Variants in LMAN2L observed in about 807,000 individuals in gnomAD.
The protein encoded by LMAN2L is lectin, mannose binding 2 like.
Under a neutral mutation model 44.3 loss-of-function variants are expected in LMAN2L, and 30 were observed. That is an observed-to-expected ratio of 0.68 (90% CI 0.51 to 0.92). The LOEUF (loss-of-function observed/expected upper bound fraction) is 0.92, where lower values mean the gene tolerates loss of function less well. Ranked by LOEUF, LMAN2L falls within the 40% of genes least tolerant of loss-of-function variation. The pLI, the probability that LMAN2L is intolerant of heterozygous loss-of-function variation, is 0.00. For synonymous variants in LMAN2L, 183 were observed against 171.1 expected, an observed-to-expected ratio of 1.07 and a Z score of -0.54; for missense variants, 429 against 446.1, an observed-to-expected ratio of 0.96 and a Z score of 0.35.
intron 4 of LMAN2L, among the ~76,000 whole-genome samples, chr2:96,723,612 A>C (rs1287162841): frequency 6.6e-6 from 1 of 152,178 alleles, no homozygotes; most frequent in Non-Finnish European, 1.5e-5. Context: ...AGTCAAGAAG[A>C]ATCAATCCGA....
rs376416448 is a variant in LMAN2L at position 96,707,548 on chromosome 2, G to A, written c.905-150C>T. The A allele has an allele frequency of 2.2e-4, 267 of 1,221,666 alleles. 3 individuals carry two copies. In the South Asian group the frequency reaches 2.2e-3, roughly 10 times the overall value. The allele number at this position is 1,221,666 out of a possible 1,614,324, so 75.7% of individuals were successfully genotyped here. ...CCTCTTTCCAACTGAGAAACAAAGC[G>A]GCCCTCCTGCTGCTCATCTGTAACT... is the stretch of plus-strand genomic sequence containing the variant. On this transcript the variant is annotated intron_variant, in intron 7 of 7. Transcript: ENST00000264963.
intron 4 of LMAN2L, among the ~76,000 whole-genome samples, chr2:96,728,537 C>T (rs2078322006): frequency 7.0e-6 from 1 of 142,856 alleles, no homozygotes; most frequent in African/African-American, 2.6e-5. Context: ...TTGCACAGGA[C>T]AGCATATGAA....
At chr2:96,729,196 A>C (rs2078340480) in intron 4 of LMAN2L, among the ~76,000 whole-genome samples, 1 of 151,810 alleles carries the variant, frequency 6.6e-6, no homozygotes, top group African/African-American at 2.4e-5. Flanking sequence ...ATAAAATAAA[A>C]TAAAACAAAA....
At chr2:96,721,172 C>T (rs914046460) in intron 4 of LMAN2L, among the ~76,000 whole-genome samples, 1 of 152,140 alleles carries the variant, frequency 6.6e-6, no homozygotes, top group Non-Finnish European at 1.5e-5. Flanking sequence ...CACTAATCTA[C>T]TTTCTGTCTC....
intron 4 of LMAN2L, among the ~76,000 whole-genome samples, chr2:96,720,528 G>C (rs1374703464): frequency 1.3e-5 from 2 of 151,330 alleles, no homozygotes; most frequent in Non-Finnish European, 2.9e-5. Context: ...TGTTGCCTAG[G>C]CTGGTTTCAA....
At chr2:96,728,294 C>G (rs1317183650) in intron 4 of LMAN2L, among the ~76,000 whole-genome samples, 2 of 151,778 alleles carry the variant, frequency 1.3e-5, no homozygotes, top group Non-Finnish European at 2.9e-5. Context: ...GAGAGGAGAT[C>G]GAGACCATCC....
chr2:96,709,918 A>C (rs775404744), intron 6 of LMAN2L, among the ~76,000 whole-genome samples: 5 of 152,230 alleles, frequency 3.3e-5, no homozygotes, highest in Non-Finnish European at 7.3e-5. Context: ...CATTTCTGAC[A>C]GTTGGGGACT....
Position 96,737,946 on chromosome 2 carries a change from TA to T in LMAN2L, c.306+2del. 6.3e-7 allele frequency: 1 copy of T among 1,598,792 alleles called. No individual in the cohort carries two copies. Among genetic ancestry groups the T allele is most frequent in the South Asian group, 1.1e-5 (1 of 90,786 alleles). ...CCAACACAGGAGGGAGAAAGATTCT[TA>T]CCACCCGGTTCCACAAGGCACCCTG... On this transcript the variant is annotated splice_donor_variant, in intron 2 of 7. Coordinates refer to ENST00000264963, the MANE Select transcript of LMAN2L (RefSeq NM_030805.4). LOFTEE classifies it high-confidence loss of function.
intron 6 of LMAN2L, among the ~76,000 whole-genome samples, chr2:96,709,959 C>T (rs1289056646): frequency 1.3e-5 from 2 of 152,152 alleles, no homozygotes; most frequent in Non-Finnish European, 2.9e-5. Context: ...GGAGGTTAAC[C>T]CAGAAACCTG....
chr2:96,711,969 A>G lies in LMAN2L; in HGVS notation c.564T>C (p.His188=). The change falls in exon 5 of 8, where the codon CAT becomes CAC. Residue 188 remains histidine (H), a synonymous_variant. Transcript: ENST00000264963. Reference sequence around the variant, plus strand: ...GCTCTGTAGGCCGCCCATCCCGCTCATGATCATAGCTGAGGGAGCCGTTGT... The same window carrying G: ...GCTCTGTAGGCCGCCCATCCCGCTCGTGATCATAGCTGAGGGAGCCGTTGT... ...MVNNGSLSYD[H]ERDGRPTELG... 6.2e-7 allele frequency: 1 copy of G among 1,614,188 alleles called. No individual in the cohort carries two copies. Among genetic ancestry groups the G allele is most frequent in the Non-Finnish European group, 8.5e-7 (1 of 1,180,030 alleles).
chr2:96,738,189 C>T (rs2078556573), intron 1 of LMAN2L, 122 bp from the exon 2 acceptor site: 1 of 655,470 alleles, frequency 1.5e-6, no homozygotes, highest in Non-Finnish European at 2.7e-6. Flanking sequence ...ACTCAATCTC[C>T]TATCTTCTCT....
At chr2:96,725,784 G>A (rs1157509971) in intron 4 of LMAN2L, among the ~76,000 whole-genome samples, 1 of 151,800 alleles carries the variant, frequency 6.6e-6, no homozygotes, top group Non-Finnish European at 1.5e-5. Context: ...TGATAACACT[G>A]CAAATGGAGT....
chr2:96,713,016 C>T lies in LMAN2L; in HGVS notation c.508-991G>A, dbSNP rs1385059314. Reference sequence around the variant, plus strand: ...AGTCGAGACCAGAGACCGGGGACTCCTGAGACAACCACATGGACTTGAAAC... The same window carrying T: ...AGTCGAGACCAGAGACCGGGGACTCTTGAGACAACCACATGGACTTGAAAC... On this transcript the variant is annotated intron_variant, in intron 4 of 7. Transcript: ENST00000264963. 9 of 1,162,316 alleles carry T rather than the reference C, an allele frequency of 7.7e-6. No individual in the cohort carries two copies. In the East Asian group the frequency reaches 2.3e-4, roughly 30 times the overall value. 72.0% of individuals were successfully genotyped at this position (1,162,316 alleles called of 1,614,324 possible). A position where few individuals can be genotyped will look rare whatever the true frequency, so the allele number is the denominator to read the frequency against.
intron 4 of LMAN2L, chr2:96,713,264 A>C: frequency 1.3e-6 from 1 of 752,284 alleles, no homozygotes. Flanking sequence ...ACCAACTTAA[A>C]TCCCCAAACA....
At chr2:96,735,614 A>G (rs978512435) in intron 2 of LMAN2L, among the ~76,000 whole-genome samples, 81 of 152,134 alleles carry the variant, frequency 5.3e-4, no homozygotes, top group African/African-American at 1.9e-3. Context: ...TGAGGTGGGC[A>G]GATCACAAGG....
intron 4 of LMAN2L, among the ~76,000 whole-genome samples, chr2:96,712,777 C>T (rs1250182226): frequency 6.6e-6 from 1 of 152,182 alleles, no homozygotes; most frequent in Non-Finnish European, 1.5e-5. Flanking sequence ...CACTCATTTT[C>T]CCATCTATTT....
intron 4 of LMAN2L, among the ~76,000 whole-genome samples, chr2:96,717,924 T>C (rs1267138252): frequency 6.6e-6 from 1 of 151,998 alleles, no homozygotes; most frequent in Non-Finnish European, 1.5e-5. Context: ...CATTCCAAAA[T>C]TCTCTTGTTA....
chr2:96,739,918 T>C lies in LMAN2L; in HGVS notation c.123A>G (p.Gln41=). Residue 41 remains glutamine (Q), a synonymous_variant, in exon 1 of 8, where the codon CAA becomes CAG. Transcript: ENST00000264963. ...LLLGSGQGPQ[Q]VGAGQTFEYL... ...ACTCGAACGTTTGACCCGCCCCGAC[T>C]TGCTGTGGCCCCTGCCCAGACCCCA... The C allele has an allele frequency of 1.2e-6, 2 of 1,614,120 alleles. 1 individual carries two copies.
intron 2 of LMAN2L, among the ~76,000 whole-genome samples, chr2:96,737,691 G>C (rs760194847): frequency 3.3e-5 from 5 of 151,930 alleles, no homozygotes; most frequent in Non-Finnish European, 5.9e-5. Context: ...CTAAGAAGTA[G>C]TACTATTGGG....
Sources: gnomAD v4.1 joint callset for allele counts (sites outside exome capture counted in the v4.1 genomes callset) on GRCh38, gnomAD v4.1.1 for gene constraint, MANE v1.5 for transcripts, NCBI Gene and HGNC (gene_info 2026-07-23, HGNC 2026-07-21) for gene names.